The following PIWIL4 variants were observed in gnomAD, a reference collection of about 807,000 sequenced individuals.
PIWIL4 encodes the protein piwi like RNA-mediated gene silencing 4.
Under a neutral mutation model 100.9 loss-of-function variants are expected in PIWIL4, and 50 were observed. The ratio of observed to expected loss-of-function variants is 0.50; its 90% CI spans 0.39 to 0.63. The LOEUF (loss-of-function observed/expected upper bound fraction) is 0.63, where lower values mean the gene tolerates loss of function less well. Ranked by LOEUF, PIWIL4 falls within the 20% of genes least tolerant of loss-of-function variation. The pLI, the probability that PIWIL4 is intolerant of heterozygous loss-of-function variation, is 0.00. For synonymous variants in PIWIL4, 342 were observed against 367.5 expected (o/e 0.93, Z 0.79); for missense variants, 887 against 1,043.3 (o/e 0.85, Z 2.06).
rs1467241577 is a variant in PIWIL4 at position 94,601,875 on chromosome 11, G to A, written c.1461G>A (p.Trp487Ter). 1.2e-6 allele frequency: 2 copies of A among 1,614,002 alleles called. No homozygotes were observed. The highest frequency in any genetic ancestry group is 1.7e-5 in the Admixed American group (1 of 59,992). ...KILNAQSLNT[W>*]LILCSDRTEY... The stretch of plus-strand genomic sequence containing the variant: ...TAAATGCACAGTCTTTGAATACCTG[G>A]TTGATTTTATGTAGCGACAGAACTG... The change falls in exon 12 of 20, where the codon TGG becomes TGA. Residue 487 changes from tryptophan (W) to a stop codon, truncating the protein, a stop_gained. Transcript: ENST00000299001. LOFTEE classifies it high-confidence loss of function.
chr11:94,587,535 T>G (rs1948419156), intron 7 of PIWIL4, among the ~76,000 whole-genome samples: 1 of 152,228 alleles, frequency 6.6e-6, no homozygotes, highest in African/African-American at 2.4e-5. Flanking sequence ...TTCAGTTCAA[T>G]TCAGTTCACT....
chr11:94,601,956 A>G lies in PIWIL4; in HGVS notation c.1542A>G (p.Gly514=). 1 of 1,611,464 alleles carries G rather than the reference A, an allele frequency of 6.2e-7. No homozygotes were observed. The highest frequency in any genetic ancestry group is 8.5e-7 in the Non-Finnish European group (1 of 1,179,426). ...NCLRRVAGSM[G]FNVDYPKIIK... ...TGAGAAGAGTTGCAGGTTCCATGGGATTTAATGTGGACTACCCCAAAATGT... is the reference window on the plus strand; with the variant it reads ...TGAGAAGAGTTGCAGGTTCCATGGGGTTTAATGTGGACTACCCCAAAATGT... Residue 514 remains glycine (G), a synonymous_variant, in exon 12 of 20, where the codon GGA becomes GGG. Coordinates refer to ENST00000299001, the MANE Select transcript of PIWIL4 (RefSeq NM_152431.3).
At chr11:94,573,002 C>G (rs1282140332) in intron 2 of PIWIL4, among the ~76,000 whole-genome samples, 1 of 152,154 alleles carries the variant, frequency 6.6e-6, no homozygotes, top group Admixed American at 6.5e-5. Context: ...AGAGGTCATT[C>G]ACATCCCTGT....
chr11:94,567,469 C>T lies in PIWIL4; in HGVS notation c.-50C>T, dbSNP rs1948089769. On this transcript the variant is annotated 5_prime_UTR_variant, in exon 1 of 20. Transcript: ENST00000299001. ...CATCTGTAGCCAAAGCAAAACATAT[C>T]CTAACTGAGACTTTGCAGCTCTTGT... is the stretch of plus-strand genomic sequence containing the variant. 1.4e-6 allele frequency: 2 copies of T among 1,456,734 alleles called. No individual in the cohort carries two copies. The highest frequency in any genetic ancestry group is 2.3e-5 in the Admixed American group (1 of 43,560). The allele number at this position is 1,456,734 out of a possible 1,614,324, so 90.2% of individuals were successfully genotyped here.
At chr11:94,620,781 T>A in intron 19 of PIWIL4, 95 bp from the exon 20 acceptor site, 1 of 868,182 alleles carries the variant, frequency 1.2e-6, no homozygotes, top group South Asian at 1.7e-5. Flanking sequence ...CCCATTCTAT[T>A]ATCTGTGTAA....
rs540857593 is a variant in PIWIL4, at chr11:94,607,051, C to T, written c.1639-388C>T. ...GGAGGGACCAATGGGAATGATAACT[C>T]GAAAACCATAGGAAAGGATCACTGC... On this transcript the variant is annotated intron_variant, in intron 13 of 19. Coordinates refer to ENST00000299001, the MANE Select transcript of PIWIL4 (RefSeq NM_152431.3). Among the ~76,000 whole-genome samples the T allele has an allele frequency of 2.8e-4, 42 of 152,026 alleles. No homozygotes were observed. The South Asian group carries it at 7.9e-3, about 29-fold the overall frequency.
At chr11:94,606,500 G>A (rs561335888) in intron 13 of PIWIL4, among the ~76,000 whole-genome samples, 6 of 152,288 alleles carry the variant, frequency 3.9e-5, no homozygotes, top group Admixed American at 1.3e-4. Context: ...AGAAGGAGGC[G>A]GAGGTAGGCC....
intron 15 of PIWIL4, 21 bp from the exon 16 acceptor site, chr11:94,616,472 T>C: frequency 6.4e-7 from 1 of 1,559,786 alleles, no homozygotes; most frequent in Non-Finnish European, 8.7e-7. Flanking sequence ...ATTTTACTTT[T>C]ATTTTTTTTT....
chr11:94,585,303 T>C (rs1948383316), intron 5 of PIWIL4, 142 bp from the exon 6 acceptor site: 1 of 548,630 alleles, frequency 1.8e-6, no homozygotes. Context: ...GTATATTTAG[T>C]ATCTAAACCT....
intron 6 of PIWIL4, among the ~76,000 whole-genome samples, chr11:94,586,380 G>T: frequency 6.6e-6 from 1 of 152,028 alleles, no homozygotes; most frequent in East Asian, 1.9e-4. Context: ...TTTTAAAATA[G>T]TAGTCTATTA....
chr11:94,604,530 C>T (rs1445613378), intron 13 of PIWIL4, among the ~76,000 whole-genome samples: 1 of 152,192 alleles, frequency 6.6e-6, no homozygotes, highest in Non-Finnish European at 1.5e-5. Flanking sequence ...GGTGGGACAT[C>T]CACAGTTGCC....
Position 94,618,085 on chromosome 11 carries a change from G to T in PIWIL4, c.2146G>T (p.Ala716Ser), listed in dbSNP as rs542040289. ...YEVPQLLSSVAESSSNTSSRL... is the reference protein window; with the variant it reads ...YEVPQLLSSVSESSSNTSSRL... ...AGTCCCACAGCTGCTGAGCAGTGTG[G>T]CAGAATCCAGCTCAAATACCAGGTA... The change falls in exon 17 of 20, where the codon GCA becomes TCA. Residue 716 changes from alanine to serine, a missense_variant. Ala to Ser is a moderately conservative substitution (Grantham distance 99). Around this residue, in one of 2 missense-constraint regions of PIWIL4, gnomAD observed 741 missense variants for 930.0 expected, o/e 0.80. Transcript: ENST00000299001. 6.3e-7 allele frequency: 1 copy of T among 1,577,950 alleles called. No individual in the cohort carries two copies. The highest frequency in any genetic ancestry group is 2.3e-5 in the East Asian group (1 of 43,750).
At chr11:94,602,097 C>A in intron 12 of PIWIL4, 118 bp downstream of exon 12, 2 of 907,640 alleles carry the variant, frequency 2.2e-6, no homozygotes, top group Non-Finnish European at 3.3e-6. Context: ...TGTAAAGTGC[C>A]AAGAAAGTAG....
chr11:94,573,794 T>C (rs541155520), intron 2 of PIWIL4, among the ~76,000 whole-genome samples: 1 of 152,342 alleles, frequency 6.6e-6, no homozygotes, highest in East Asian at 1.9e-4. Flanking sequence ...TACTTTTAAA[T>C]GTGCAGTCTT....
At position 94,567,493 on chromosome 11, in the gene PIWIL4, G is replaced by A. The variant is rs1272590049; in HGVS notation, c.-26G>A. On this transcript the variant is annotated 5_prime_UTR_variant, in exon 1 of 20. The change creates a new upstream start codon in the 5' untranslated region. Coordinates refer to ENST00000299001, the MANE Select transcript of PIWIL4 (RefSeq NM_152431.3). Reference sequence around the variant, plus strand: ...TCCTAACTGAGACTTTGCAGCTCTTGTGGCCACTCTGGGCTCACCGGGAAC... The same window carrying A: ...TCCTAACTGAGACTTTGCAGCTCTTATGGCCACTCTGGGCTCACCGGGAAC... 2 of 1,530,720 alleles carry A rather than the reference G, an allele frequency of 1.3e-6. No individual in the cohort carries two copies. The highest frequency in any genetic ancestry group is 1.8e-6 in the Non-Finnish European group (2 of 1,133,974). 94.8% of individuals were successfully genotyped at this position (1,530,720 alleles called of 1,614,324 possible). A position where few individuals can be genotyped will look rare whatever the true frequency, so the allele number is the denominator to read the frequency against.
intron 5 of PIWIL4, among the ~76,000 whole-genome samples, chr11:94,584,631 C>T (rs1253086557): frequency 2.0e-5 from 3 of 152,200 alleles, no homozygotes; most frequent in Non-Finnish European, 4.4e-5. Context: ...TGACATTTGG[C>T]AGCCAAAATC....
intron 9 of PIWIL4, among the ~76,000 whole-genome samples, chr11:94,594,151 A>G (rs1324729481): frequency 1.3e-5 from 2 of 152,122 alleles, no homozygotes; most frequent in Non-Finnish European, 2.9e-5. Flanking sequence ...TGATGTGTAT[A>G]TATCTATTTT....
chr11:94,567,630 G>A, intron 1 of PIWIL4, 25 bp downstream of exon 1: 1 of 1,564,722 alleles, frequency 6.4e-7, no homozygotes, highest in Non-Finnish European at 8.7e-7. Context: ...TATTGCGCAT[G>A]GTTTCGTTTT....
At chr11:94,592,789 C>T (rs1208380175) in intron 8 of PIWIL4, among the ~76,000 whole-genome samples, 1 of 152,132 alleles carries the variant, frequency 6.6e-6, no homozygotes, top group East Asian at 1.9e-4. Context: ...GGTGAGACTG[C>T]TGAAACTTAA....
Sources: gnomAD v4.1 joint callset for allele counts (sites outside exome capture counted in the v4.1 genomes callset) on GRCh38, gnomAD v4.1.1 for gene constraint, gnomAD v4.1.1 regional missense constraint, MANE v1.5 for transcripts, NCBI Gene and HGNC (gene_info 2026-07-23, HGNC 2026-07-21) for gene names.